NAV2: variants seen among roughly 807,000 people sequenced by gnomAD.
The protein encoded by NAV2 is helicase, APC down-regulated 1.
NAV2 carries 54 observed loss-of-function variants against 223.2 expected under a neutral mutation model. That is an observed-to-expected ratio of 0.24 (90% CI 0.19 to 0.30). The LOEUF is 0.30. Among genes scored for constraint, NAV2 ranks in the 10% least tolerant of loss-of-function variants. NAV2 has a pLI of 1.00. For missense variants in NAV2, 2,806 were observed against 3,147.5 expected, an observed-to-expected ratio of 0.89 and a Z score of 2.60; for synonymous variants, 1,279 against 1,239.3, an observed-to-expected ratio of 1.03 and a Z score of -0.67.
intron 1 of NAV2, among the ~76,000 whole-genome samples, chr11:19,630,432 G>A (rs1447068038): frequency 6.6e-6 from 1 of 152,130 alleles, no homozygotes; most frequent in Non-Finnish European, 1.5e-5. Flanking sequence ...TTTCAAACTG[G>A]ATTCCGAGGA....
chr11:20,106,229 A>ATATG (rs2062088150), intron 35 of NAV2, among the ~76,000 whole-genome samples: 1 of 93,192 alleles, frequency 1.1e-5, no homozygotes. Flanking sequence ...ATATATATAT[A>ATATG]TGCTTTATGA....
chr11:19,981,944 A>G (rs1270922890), intron 10 of NAV2, among the ~76,000 whole-genome samples: 2 of 152,184 alleles, frequency 1.3e-5, no homozygotes, highest in East Asian at 3.9e-4. Flanking sequence ...TGCAAAAAAA[A>G]TTTGCACAGC....
chr11:19,556,088 G>T (rs917551552), intron 1 of NAV2, among the ~76,000 whole-genome samples: 1 of 152,084 alleles, frequency 6.6e-6, no homozygotes, highest in Non-Finnish European at 1.5e-5. Flanking sequence ...GCAGCTCCCC[G>T]GGGACCAGGA....
intron 1 of NAV2, among the ~76,000 whole-genome samples, chr11:19,685,796 T>C (rs1485580782): frequency 6.6e-6 from 1 of 152,100 alleles, no homozygotes; most frequent in Non-Finnish European, 1.5e-5. Context: ...TGCACCAGTC[T>C]CAGAGGGCCC....
upstream of NAV2, among the ~76,000 whole-genome samples, chr11:19,709,047 T>C (rs1325813103): frequency 6.6e-6 from 1 of 152,168 alleles, no homozygotes; most frequent in African/African-American, 2.4e-5. Flanking sequence ...ACGTTTTTCA[T>C]GTTAACACAG....
At chr11:19,406,233 G>C (rs1379807497) in intron 1 of NAV2, among the ~76,000 whole-genome samples, 2 of 152,154 alleles carry the variant, frequency 1.3e-5, no homozygotes, top group Non-Finnish European at 2.9e-5. Context: ...GACTCATCCT[G>C]AGTTTAAATC....
At chr11:19,656,335 T>C (rs2048125242) in intron 1 of NAV2, among the ~76,000 whole-genome samples, 1 of 152,178 alleles carries the variant, frequency 6.6e-6, no homozygotes. Flanking sequence ...CATGCTTTAC[T>C]GGACTCTCCA....
At chr11:19,795,002 C>T (rs1209039218) in intron 1 of NAV2, among the ~76,000 whole-genome samples, 1 of 152,236 alleles carries the variant, frequency 6.6e-6, no homozygotes, top group Non-Finnish European at 1.5e-5. Flanking sequence ...TTCTGCCCTA[C>T]TCAGTACCCT....
Position 20,114,787 on chromosome 11 carries a change from G to T in NAV2, c.7156G>T (p.Asp2386Tyr). Residue 2386 changes from aspartate (D) to tyrosine (Y), a missense_variant, in exon 37 of 38, where the codon GAC (aspartate) becomes TAC (tyrosine). By Grantham distance (160) the Asp-to-Tyr change is radical. Coordinates refer to ENST00000349880, the MANE Select transcript of NAV2 (RefSeq NM_145117.5). Reference protein sequence around the residue: ...KQMPPSDAEGDPLMNMLMRLQ... With the variant: ...KQMPPSDAEGYPLMNMLMRLQ... ...GATGCCCCCCAGTGATGCTGAAGGT[G>T]ACCCGCTGGTGAGTCCTCAGCCACC... The T allele has an allele frequency of 6.2e-7, 1 of 1,613,108 alleles. No homozygotes were observed.
chr11:20,073,640 G>A lies in NAV2; in HGVS notation c.4984-3912G>A, dbSNP rs1017083855. ...TTCTTATTGGTCTTCTCAGGGATTTGACTTCTTCCTGGTTTAGTCTTGGGA... is the reference window on the plus strand; with the variant it reads ...TTCTTATTGGTCTTCTCAGGGATTTAACTTCTTCCTGGTTTAGTCTTGGGA... On this transcript the variant is annotated intron_variant, in intron 22 of 37. Transcript: ENST00000349880. Among the ~76,000 whole-genome samples, 142 of 152,196 alleles carry A rather than the reference G, an allele frequency of 9.3e-4. 3 individuals are homozygous for A. The highest frequency in any genetic ancestry group is 2.4e-4 in the Non-Finnish European group (16 of 67,990).
intron 6 of NAV2, among the ~76,000 whole-genome samples, chr11:19,927,531 C>T (rs1043511648): frequency 1.2e-4 from 19 of 152,140 alleles, no homozygotes; most frequent in African/African-American, 3.9e-4. Context: ...GCAGTGAGCA[C>T]TCCAGCCTGG....
chr11:20,012,542 G>A (rs1421596462), intron 11 of NAV2, among the ~76,000 whole-genome samples: 1 of 152,056 alleles, frequency 6.6e-6, no homozygotes, highest in Non-Finnish European at 1.5e-5. Context: ...GGGCACAGTG[G>A]CACACGCCTG....
chr11:19,697,516 T>A (rs751371191), intron 1 of NAV2, among the ~76,000 whole-genome samples: 11 of 152,134 alleles, frequency 7.2e-5, no homozygotes, highest in Middle Eastern at 3.2e-3. Flanking sequence ...TCTTTTTTTT[T>A]TTTATTTCAG....
At chr11:19,994,321 C>T (rs540963267) in intron 11 of NAV2, among the ~76,000 whole-genome samples, 9 of 151,966 alleles carry the variant, frequency 5.9e-5, no homozygotes, top group Admixed American at 3.3e-4. Flanking sequence ...CTGAGGCAGA[C>T]GGATCACCTA....
At chr11:19,382,158 A>T (rs1478129768) in intron 1 of NAV2, among the ~76,000 whole-genome samples, 1 of 152,190 alleles carries the variant, frequency 6.6e-6, no homozygotes, top group East Asian at 1.9e-4. Flanking sequence ...TGCCTTTTTA[A>T]TCTAAGCTGA....
intron 1 of NAV2, among the ~76,000 whole-genome samples, chr11:19,535,352 G>A (rs182066311): frequency 3.9e-5 from 6 of 152,222 alleles, no homozygotes; most frequent in African/African-American, 4.8e-5. Flanking sequence ...GAGTCCCCAG[G>A]CCCAACAAGT....
At chr11:19,422,053 C>T (rs191800009) in intron 1 of NAV2, among the ~76,000 whole-genome samples, 3 of 152,240 alleles carry the variant, frequency 2.0e-5, no homozygotes, top group East Asian at 3.9e-4. Flanking sequence ...TGTTCAAGCC[C>T]AAGAGCCTGT....
intron 1 of NAV2, among the ~76,000 whole-genome samples, chr11:19,355,013 C>T (rs1228752726): frequency 1.3e-5 from 2 of 152,240 alleles, no homozygotes; most frequent in South Asian, 2.1e-4. Context: ...AGGAAAAAGC[C>T]GGGGAGACAG....
chr11:20,059,781 A>G (rs573212087), intron 19 of NAV2, among the ~76,000 whole-genome samples: 2 of 152,210 alleles, frequency 1.3e-5, no homozygotes, highest in South Asian at 4.1e-4. Context: ...CTTGTAGCTG[A>G]AAAAATGTGA....
Sources: allele counts gnomAD v4.1 joint callset (sites outside exome capture counted in the v4.1 genomes callset), GRCh38; gene constraint gnomAD v4.1.1; transcripts MANE v1.5; gene names NCBI Gene and HGNC (gene_info 2026-07-23, HGNC 2026-07-21).